The following DLG1 variants were observed in gnomAD, a reference collection of about 807,000 sequenced individuals.
The protein encoded by DLG1 is disks large homolog 1.
In DLG1, 42 loss-of-function variants were observed where a neutral mutation model predicts 123.4. The ratio of observed to expected loss-of-function variants is 0.34; its 90% CI spans 0.27 to 0.44. DLG1 has a LOEUF of 0.44. Ranked by LOEUF, DLG1 falls within the 20% of genes least tolerant of loss-of-function variation. The pLI, the probability that DLG1 is intolerant of heterozygous loss-of-function variation, is 1.00. For missense variants in DLG1, 942 were observed against 1,082.6 expected, an observed-to-expected ratio of 0.87 and a Z score of 1.82; for synonymous variants, 317 against 356.2, an observed-to-expected ratio of 0.89 and a Z score of 1.24.
At chr3:197,065,921 C>T (rs1739221678) in intron 20 of DLG1, 112 bp from the exon 21 acceptor site, 5 of 625,618 alleles carry the variant, frequency 8.0e-6, no homozygotes, top group African/African-American at 3.7e-5. Context: ...TTTTTTTCTT[C>T]CCTCTCCATC....
intron 13 of DLG1, among the ~76,000 whole-genome samples, chr3:197,106,684 T>C (rs1354775193): frequency 6.6e-6 from 1 of 152,166 alleles, no homozygotes; most frequent in Non-Finnish European, 1.5e-5. Context: ...ACCAAACTCT[T>C]TTAAGAGCAT....
chr3:197,274,824 T>C (rs1272150349), intron 4 of DLG1, among the ~76,000 whole-genome samples: 3 of 152,184 alleles, frequency 2.0e-5, no homozygotes, highest in Admixed American at 6.5e-5. Flanking sequence ...TCAGAAGACA[T>C]ACAAATGGTT....
intron 14 of DLG1, among the ~76,000 whole-genome samples, chr3:197,103,788 G>A (rs1380970755): frequency 6.6e-6 from 1 of 150,926 alleles, no homozygotes; most frequent in African/African-American, 2.4e-5. Context: ...GTAATTAGTT[G>A]ATAAATTACA....
At chr3:197,240,240 G>C (rs541287775) in intron 4 of DLG1, among the ~76,000 whole-genome samples, 6 of 152,266 alleles carry the variant, frequency 3.9e-5, no homozygotes, top group African/African-American at 1.4e-4. Context: ...TTATTGTACA[G>C]GTCCCCTGGG....
chr3:197,227,944 A>C (rs1246529278), intron 4 of DLG1, among the ~76,000 whole-genome samples: 1 of 152,240 alleles, frequency 6.6e-6, no homozygotes, highest in African/African-American at 2.4e-5. Context: ...TGCTCCTTAG[A>C]AGCCTTTATA....
intron 5 of DLG1, among the ~76,000 whole-genome samples, chr3:197,159,642 G>C (rs906636416): frequency 9.9e-5 from 15 of 152,120 alleles, no homozygotes; most frequent in Non-Finnish European, 1.6e-4. Flanking sequence ...CTTGGGGACG[G>C]ATATTTTAGT....
chr3:197,116,611 T>C (rs140440768), intron 12 of DLG1, among the ~76,000 whole-genome samples: 404 of 152,314 alleles, frequency 2.7e-3, no homozygotes, highest in Middle Eastern at 0.02. Flanking sequence ...GGAAATTTTA[T>C]TGTCATTTTC....
chr3:197,298,159 C>T lies in DLG1; in HGVS notation c.-32+377G>A, dbSNP rs182400662. 5.5e-3 allele frequency: 1,180 copies of T among 214,536 alleles called. 10 individuals are homozygous for T. Among genetic ancestry groups the T allele is most frequent in the Middle Eastern group, 0.03 (21 of 692 alleles). The allele number at this position is 214,536 out of a possible 1,614,324, so 13.3% of individuals were successfully genotyped here. A position where few individuals can be genotyped will look rare whatever the true frequency, so the allele number is the denominator to read the frequency against. ...CTGGCCTGCCGCGCTCCCACGTGAC[C>T]GCTTTCCCGGCGCTCTCAGCCAATG... On this transcript the variant is annotated intron_variant, in intron 1 of 24. Coordinates refer to ENST00000667157, the MANE Select transcript of DLG1 (RefSeq NM_001366207.1).
chr3:197,219,365 C>G (rs1265402302), intron 4 of DLG1, among the ~76,000 whole-genome samples: 1 of 152,214 alleles, frequency 6.6e-6, no homozygotes, highest in Non-Finnish European at 1.5e-5. Flanking sequence ...TACTTATTCA[C>G]TTGGCAATCT....
At chr3:197,170,682 T>C (rs1474052217) in intron 5 of DLG1, among the ~76,000 whole-genome samples, 2 of 152,222 alleles carry the variant, frequency 1.3e-5, no homozygotes, top group Non-Finnish European at 2.9e-5. Context: ...TTCCATTCTG[T>C]AGGTTATCTG....
intron 4 of DLG1, among the ~76,000 whole-genome samples, chr3:197,198,238 C>A (rs1402947897): frequency 6.6e-6 from 1 of 152,074 alleles, no homozygotes; most frequent in African/African-American, 2.4e-5. Flanking sequence ...GCCTGTAATC[C>A]CAGCCTTTCG....
chr3:197,134,529 T>C (rs1415397109), intron 10 of DLG1, among the ~76,000 whole-genome samples: 1 of 149,160 alleles, frequency 6.7e-6, no homozygotes, highest in Non-Finnish European at 1.5e-5. Context: ...CAGTACTTGC[T>C]AGTATATTTT....
chr3:197,160,291 C>T (rs561710988), intron 5 of DLG1, among the ~76,000 whole-genome samples: 181 of 150,042 alleles, frequency 1.2e-3, no homozygotes, highest in African/African-American at 4.2e-3. Flanking sequence ...TACAAATTCT[C>T]AAAGGATTCC....
chr3:197,060,633 A>G (rs2049005), intron 22 of DLG1, among the ~76,000 whole-genome samples: 64,242 of 152,026 alleles, frequency 0.42, 14,202 homozygotes, highest in East Asian at 0.74. Context: ...AAAAACTCAT[A>G]AACTAGCATA....
chr3:197,266,987 G>A (rs1761948552), intron 4 of DLG1, among the ~76,000 whole-genome samples: 1 of 152,036 alleles, frequency 6.6e-6, no homozygotes, highest in Non-Finnish European at 1.5e-5. Context: ...GCACAAGAAA[G>A]GTAAAGAAAA....
intron 4 of DLG1, among the ~76,000 whole-genome samples, chr3:197,234,955 G>C (rs1180231968): frequency 6.6e-6 from 1 of 151,932 alleles, no homozygotes; most frequent in African/African-American, 2.4e-5. Flanking sequence ...AATTAAACAG[G>C]ATCTAAATAA....
chr3:197,179,989 G>A (rs1373379155), intron 5 of DLG1, among the ~76,000 whole-genome samples: 1 of 137,804 alleles, frequency 7.3e-6, no homozygotes, highest in African/African-American at 2.7e-5. Flanking sequence ...ATTCTGACAA[G>A]TTTTCATGTC....
chr3:197,230,938 A>C (rs769043967), intron 4 of DLG1, among the ~76,000 whole-genome samples: 1 of 150,022 alleles, frequency 6.7e-6, no homozygotes, highest in African/African-American at 2.5e-5. Flanking sequence ...ACTGCTTTAC[A>C]TATAGTATGT....
chr3:197,132,629 C>T (rs1173990783), intron 10 of DLG1, among the ~76,000 whole-genome samples: 1 of 146,666 alleles, frequency 6.8e-6, no homozygotes, highest in Non-Finnish European at 1.5e-5. Flanking sequence ...CTGTGGCATA[C>T]TGCTGAAATA....
Sources: gnomAD v4.1 joint callset for allele counts (sites outside exome capture counted in the v4.1 genomes callset) on GRCh38, gnomAD v4.1.1 for gene constraint, MANE v1.5 for transcripts, NCBI Gene and HGNC (gene_info 2026-07-23, HGNC 2026-07-21) for gene names.